Variants in BTBD16 observed in about 807,000 individuals in gnomAD.
BTBD16 encodes the protein BTB domain containing 16, also known as BTB/POZ domain-containing protein 16.
BTBD16 carries 66 observed loss-of-function variants against 67.4 expected under a neutral mutation model. The observed-to-expected ratio is 0.98, with a 90% CI of 0.80 to 1.20. The LOEUF is 1.20. Among genes scored for constraint, BTBD16 ranks in the 50% most tolerant of loss-of-function variants. The pLI is 0.00. For missense variants in BTBD16, 634 were observed against 616.0 expected (o/e 1.03, Z -0.31); for synonymous variants, 242 against 236.4 (o/e 1.02, Z -0.22).
intron 3 of BTBD16, among the ~76,000 whole-genome samples, chr10:122,281,421 C>T (rs773892387): frequency 2.6e-4 from 39 of 151,816 alleles, no homozygotes; most frequent in Non-Finnish European, 4.3e-4. Context: ...TGAGGTCTCG[C>T]GCAGTTGCCC....
chr10:122,327,674 A>G (rs1457980908), intron 10 of BTBD16: 1 of 980,662 alleles, frequency 1.0e-6, no homozygotes, highest in Non-Finnish European at 1.2e-6. Context: ...AAGGGGTCAT[A>G]AAGTCCAACA....
chr10:122,312,309 C>CT (rs58045019), intron 10 of BTBD16, among the ~76,000 whole-genome samples: 1,880 of 105,378 alleles, frequency 0.018, 35 homozygotes, highest in Middle Eastern at 0.027. Flanking sequence ...TTTTCTTTTT[C>CT]TTTTTTTTTT....
At chr10:122,275,012 T>C in intron 1 of BTBD16, 28 bp from the exon 2 acceptor site, 1 of 1,526,938 alleles carries the variant, frequency 6.5e-7, no homozygotes, top group Non-Finnish European at 9.1e-7. Context: ...GTATGGAAAA[T>C]GTCACCTTTA....
intron 10 of BTBD16, chr10:122,327,575 G>A (rs983724195): frequency 2.0e-6 from 2 of 985,384 alleles, no homozygotes; most frequent in Non-Finnish European, 2.4e-6. Context: ...CTGCCTCGGG[G>A]GTCCCAGCTT....
chr10:122,327,811 C>T (rs1024251544), intron 10 of BTBD16, among the ~76,000 whole-genome samples: 1 of 152,200 alleles, frequency 6.6e-6, no homozygotes, highest in South Asian at 2.1e-4. Context: ...TTCCTCTTGC[C>T]CCTGCCAGCA....
chr10:122,301,512 T>C (rs74159110), intron 9 of BTBD16, among the ~76,000 whole-genome samples: 5,863 of 152,122 alleles, frequency 0.039, 375 homozygotes, highest in African/African-American at 0.14. Flanking sequence ...TCATCAGCCA[T>C]GTGCCCACGC....
intron 1 of BTBD16, among the ~76,000 whole-genome samples, chr10:122,272,678 T>TACACACACACACAC (rs112265160): frequency 0.058 from 8,619 of 147,550 alleles, 307 homozygotes; most frequent in African/African-American, 0.094. Context: ...GCAAAGGAAA[T>TACACACACACACAC]ACACACACAC....
At chr10:122,281,525 A>T (rs1020795945) in intron 3 of BTBD16, among the ~76,000 whole-genome samples, 1 of 152,162 alleles carries the variant, frequency 6.6e-6, no homozygotes, top group African/African-American at 2.4e-5. Context: ...TCACCCTTGC[A>T]TGTAGCTGGG....
rs1348440529 is a variant in BTBD16 at position 122,334,948 on chromosome 10, A to G, written c.1232A>G (p.His411Arg). Residue 411 changes from histidine to arginine, a missense_variant, in exon 14 of 16, where the codon CAT (histidine) becomes CGT (arginine). Transcript: ENST00000260723. ...TTCTTTAAGATAAAGGGACTCAAAC[A>G]TGATACTACCTCTTATAGTTTTTAC... ...GFFFKIKGLK[H>R]DTTSYSFYMQ... The G allele has an allele frequency of 1.3e-6, 2 of 1,561,134 alleles. No individual in the cohort carries two copies. Among genetic ancestry groups the G allele is most frequent in the Non-Finnish European group, 8.8e-7 (1 of 1,134,090 alleles).
intron 10 of BTBD16, among the ~76,000 whole-genome samples, chr10:122,326,050 A>C (rs1436065196): frequency 6.6e-6 from 1 of 151,744 alleles, no homozygotes; most frequent in Non-Finnish European, 1.5e-5. Context: ...AAAAAAAAAA[A>C]GCCATTTTCT....
At position 122,286,233 on chromosome 10, in the gene BTBD16, G is replaced by A; in HGVS notation, c.370G>A (p.Glu124Lys). 2 of 1,609,090 alleles carry A rather than the reference G, an allele frequency of 1.2e-6. No homozygotes were observed. The highest frequency in any genetic ancestry group is 8.5e-7 in the Non-Finnish European group (1 of 1,176,670). ...CACCACACACCCCCTGAGGGAGCTG[G>A]AGGAGCTTCTGCGAGGTACTTCCTC... ...QGTTHPLREL[E>K]ELLRAQSPKK... The change falls in exon 5 of 16, where the codon GAG becomes AAG. Residue 124 changes from glutamate to lysine, a missense_variant. Coordinates refer to ENST00000260723, the MANE Select transcript of BTBD16 (RefSeq NM_144587.5).
chr10:122,287,672 G>A (rs372188079), intron 5 of BTBD16, among the ~76,000 whole-genome samples: 6 of 152,206 alleles, frequency 3.9e-5, no homozygotes, highest in Non-Finnish European at 7.3e-5. Flanking sequence ...CTGTCTCACG[G>A]TTATCACTTT....
At chr10:122,293,823 T>C (rs1208856680) in intron 7 of BTBD16, among the ~76,000 whole-genome samples, 1 of 152,176 alleles carries the variant, frequency 6.6e-6, no homozygotes, top group Non-Finnish European at 1.5e-5. Context: ...GTAGCTTCCA[T>C]CTTGAAGTGG....
chr10:122,322,325 A>T (rs981177218), intron 10 of BTBD16, among the ~76,000 whole-genome samples: 15 of 152,096 alleles, frequency 9.9e-5, no homozygotes, highest in Admixed American at 1.3e-4. Context: ...CGTTTCCTTT[A>T]ACTGCATCCC....
chr10:122,281,512 C>T (rs551939059), intron 3 of BTBD16, among the ~76,000 whole-genome samples: 42 of 152,310 alleles, frequency 2.8e-4, no homozygotes, highest in African/African-American at 1.0e-3. Flanking sequence ...CGGTCCTCCT[C>T]CCTCACCCTT....
intron 7 of BTBD16, among the ~76,000 whole-genome samples, chr10:122,292,539 T>A (rs2096376054): frequency 6.6e-6 from 1 of 152,254 alleles, no homozygotes; most frequent in Admixed American, 6.5e-5. Flanking sequence ...GAGGTGGTAA[T>A]GTTGTCACTT....
intron 10 of BTBD16, among the ~76,000 whole-genome samples, chr10:122,322,088 T>C (rs564242791): frequency 1.3e-5 from 2 of 152,316 alleles, no homozygotes; most frequent in African/African-American, 2.4e-5. Context: ...CTTTCTTTCC[T>C]CGATCAGCAT....
Position 122,329,348 on chromosome 10 carries a change from G to T in BTBD16, c.912-132G>T. 7 of 756,344 alleles carry T rather than the reference G, an allele frequency of 9.3e-6. No homozygotes were observed. The South Asian group carries it at 1.2e-4, about 13-fold the overall frequency. 46.9% of individuals were successfully genotyped at this position (756,344 alleles called of 1,614,324 possible). On this transcript the variant is annotated intron_variant, in intron 10 of 15. Coordinates refer to ENST00000260723, the MANE Select transcript of BTBD16 (RefSeq NM_144587.5). ...TGCTTCCATGTACCTGACCCCTCCAGAGGGACCGAGGCCCCATCTCCCCCT... is the reference window on the plus strand; with the variant it reads ...TGCTTCCATGTACCTGACCCCTCCATAGGGACCGAGGCCCCATCTCCCCCT...
At chr10:122,287,713 C>G (rs1389442215) in intron 5 of BTBD16, among the ~76,000 whole-genome samples, 2 of 152,182 alleles carry the variant, frequency 1.3e-5, no homozygotes, top group Admixed American at 6.5e-5. Flanking sequence ...TGTTGCTATC[C>G]TGGAACTTCT....
Sources: gnomAD v4.1 joint callset for allele counts (sites outside exome capture counted in the v4.1 genomes callset) on GRCh38, gnomAD v4.1.1 for gene constraint, MANE v1.5 for transcripts, NCBI Gene and HGNC (gene_info 2026-07-23, HGNC 2026-07-21) for gene names.